The following FANCD2 variants were observed in gnomAD, a reference collection of about 807,000 sequenced individuals.
FANCD2 encodes Fanconi anemia group D2 protein.
A neutral mutation model predicts 192.3 loss-of-function variants in FANCD2; 131 were observed. The observed-to-expected ratio is 0.68, with a 90% CI of 0.59 to 0.79. The LOEUF (loss-of-function observed/expected upper bound fraction) is 0.79, where lower values mean the gene tolerates loss of function less well. Ranked by LOEUF, FANCD2 falls within the 30% of genes least tolerant of loss-of-function variation. FANCD2 has a pLI of 0.00. For missense variants in FANCD2, 1,508 were observed against 1,701.6 expected, an observed-to-expected ratio of 0.89 and a Z score of 2.00; for synonymous variants, 524 against 612.5, an observed-to-expected ratio of 0.86 and a Z score of 2.13.
chr3:10,067,015 A>G (rs1003216950), intron 25 of FANCD2, among the ~76,000 whole-genome samples, 194 bp from the exon 26 acceptor site: 1 of 152,020 alleles, frequency 6.6e-6, no homozygotes, highest in African/African-American at 2.4e-5. Context: ...ATGAGCCACC[A>G]CGCCTGGCTG....
intron 9 of FANCD2, 45 bp downstream of exon 9, chr3:10,039,890 G>A: frequency 6.2e-7 from 1 of 1,612,704 alleles, no homozygotes; most frequent in East Asian, 2.2e-5. Flanking sequence ...TCAGCTATGG[G>A]GGTTCTATCA....
rs148918400 is a variant in FANCD2, at chr3:10,066,794, G to A, written c.2386-415G>A. 9.2e-3 allele frequency among the ~76,000 whole-genome samples: 1,401 copies of A among 152,108 alleles called. 14 individuals are homozygous for A. Among genetic ancestry groups the A allele is most frequent in the Non-Finnish European group, 0.016 (1,110 of 67,996 alleles). The stretch of plus-strand genomic sequence containing the variant: ...GGCTGGAGTGCGGTGGCTCAATCTC[G>A]GCTCACTGCAACCTCCGCCTCCCAG... On this transcript the variant is annotated intron_variant, in intron 25 of 43. Coordinates refer to ENST00000675286, the MANE Select transcript of FANCD2 (RefSeq NM_001018115.3).
intron 9 of FANCD2, chr3:10,041,214 CAA>C (rs780654495): frequency 4.2e-5 from 9 of 213,450 alleles, no homozygotes; most frequent in South Asian, 6.5e-5. Context: ...AACAAACAAA[CAA>C]AAAAAAAAGC....
intron 25 of FANCD2, 42 bp from the exon 26 acceptor site, chr3:10,067,167 C>T (rs1405850279): frequency 2.4e-6 from 3 of 1,251,616 alleles, no homozygotes; most frequent in South Asian, 2.5e-5. Flanking sequence ...AGGTTAAAAT[C>T]TGAACATTTG....
chr3:10,048,111 T>C (rs2087082120), intron 16 of FANCD2, 60 bp downstream of exon 16: 2 of 1,609,440 alleles, frequency 1.2e-6, no homozygotes, highest in African/African-American at 2.7e-5. Flanking sequence ...TAATCTGATG[T>C]TTATTTCTTG....
At chr3:10,040,662 T>TA in intron 9 of FANCD2, 1 of 416,426 alleles carries the variant, frequency 2.4e-6, no homozygotes, top group Non-Finnish European at 4.7e-6. Context: ...TATCCCTAGG[T>TA]AATAAAGTTT....
chr3:10,088,584 T>A (rs369777245), intron 35 of FANCD2, 42 bp downstream of exon 35: 38 of 1,361,124 alleles, frequency 2.8e-5, no homozygotes, highest in Non-Finnish European at 3.9e-5. Context: ...ATAGCTTTTT[T>A]CTATTTTGCT....
intron 9 of FANCD2, chr3:10,040,297 G>C (rs906614988): frequency 5.9e-6 from 2 of 341,340 alleles, no homozygotes; most frequent in African/African-American, 4.3e-5. Flanking sequence ...CGGCCTCCCA[G>C]AGTGCTGGGA....
intron 43 of FANCD2, among the ~76,000 whole-genome samples, chr3:10,100,880 G>A (rs1263418768): frequency 6.6e-6 from 1 of 151,966 alleles, no homozygotes; most frequent in African/African-American, 2.4e-5. Context: ...GACCAGCCTT[G>A]CCAATGTGGA....
rs113172818 is a variant in FANCD2 at position 10,045,229 on chromosome 3, C to T, written c.1135-1351C>T. On this transcript the variant is annotated intron_variant, in intron 14 of 43. Transcript: ENST00000675286. Reference sequence around the variant, plus strand: ...TGTCACCTAGGCTGGACTGCACTGGCGTGATCTCGGCTCACTGCAAGCTCC... The same window carrying T: ...TGTCACCTAGGCTGGACTGCACTGGTGTGATCTCGGCTCACTGCAAGCTCC... 9.3e-3 allele frequency among the ~76,000 whole-genome samples: 1,417 copies of T among 152,144 alleles called. 32 individuals carry two copies. Among genetic ancestry groups the T allele is most frequent in the African/African-American group, 0.032 (1,333 of 41,496 alleles).
At chr3:10,098,664 A>G (rs1409629083) in intron 42 of FANCD2, 56 bp from the exon 43 acceptor site, 25 of 1,597,118 alleles carry the variant, frequency 1.6e-5, no homozygotes, top group South Asian at 4.5e-5. Flanking sequence ...CTTCTCCCCT[A>G]TTACCCTAAA....
Position 10,085,861 on chromosome 3 carries a change from C to T in FANCD2, c.3274C>T (p.His1092Tyr). 1 of 1,613,818 alleles carries T rather than the reference C, an allele frequency of 6.2e-7. No individual in the cohort carries two copies. Among genetic ancestry groups the T allele is most frequent in the East Asian group, 2.2e-5 (1 of 44,864 alleles). The part of the protein sequence containing the change: ...ENQNLLYSAL[H>Y]VLSSRLKQGE... ...TCAGAATTTACTGTATTCAGCCCTC[C>T]ATGTCCTTAGTAGCCGACTGAAACA... The change falls in exon 33 of 44, where the codon CAT becomes TAT. Residue 1092 changes from histidine to tyrosine, a missense_variant. By Grantham distance (83) the His-to-Tyr change is moderately conservative. Coordinates refer to ENST00000675286, the MANE Select transcript of FANCD2 (RefSeq NM_001018115.3).
rs574416410 is a variant in FANCD2 at position 10,086,865 on chromosome 3, G to T, written c.3336-269G>T. Among the ~76,000 whole-genome samples the T allele has an allele frequency of 3.3e-5, 5 of 152,254 alleles. 1 individual carries two copies. Among genetic ancestry groups the T allele is most frequent in the Admixed American group, 3.3e-4 (5 of 15,278 alleles). ...TTTATCTAGGGTTGTACATATTAGC[G>T]TGGTGCTTGGGTTTCTCAGCATACA... On this transcript the variant is annotated intron_variant, in intron 33 of 43. Coordinates refer to ENST00000675286, the MANE Select transcript of FANCD2 (RefSeq NM_001018115.3).
In FANCD2 at chr3:10,067,165, A is replaced by T. The variant is rs1052770476; in HGVS notation, c.2386-44A>T. The T allele has an allele frequency of 7.2e-6, 9 of 1,244,128 alleles. No individual in the cohort carries two copies. In the African/African-American group the frequency reaches 1.3e-4, roughly 19 times the overall value. The allele number at this position is 1,244,128 out of a possible 1,614,324, so 77.1% of individuals were successfully genotyped here. ...GATAAATAATATAAACAAGGTTAAA[A>T]TCTGAACATTTGGAAGTATGAGAAT... On this transcript the variant is annotated intron_variant, in intron 25 of 43. Coordinates refer to ENST00000675286, the MANE Select transcript of FANCD2 (RefSeq NM_001018115.3).
intron 24 of FANCD2, 79 bp from the exon 25 acceptor site, chr3:10,065,785 G>A (rs1403680691): frequency 1.0e-5 from 9 of 883,432 alleles, no homozygotes; most frequent in Admixed American, 1.8e-5. Flanking sequence ...TAAATAGCAA[G>A]GACAGCTAGC....
At chr3:10,059,122 T>G (rs1468217807) in intron 18 of FANCD2, among the ~76,000 whole-genome samples, 4 of 152,250 alleles carry the variant, frequency 2.6e-5, no homozygotes, top group East Asian at 3.9e-4. Context: ...CAGGTGATCC[T>G]CCCACCCCAG....
intron 33 of FANCD2, 142 bp from the exon 34 acceptor site, chr3:10,086,992 C>A: frequency 2.2e-6 from 2 of 899,752 alleles, no homozygotes; most frequent in Non-Finnish European, 1.8e-6. Context: ...AAGAGGGTTG[C>A]TACTAAAGCA....
At position 10,073,213 on chromosome 3, in the gene FANCD2, A is replaced by T. The variant is rs36075953; in HGVS notation, c.2606-40A>T. On this transcript the variant is annotated intron_variant, in intron 27 of 43. Coordinates refer to ENST00000675286, the MANE Select transcript of FANCD2 (RefSeq NM_001018115.3). ...GCAATGATATTTGGCAAACATGATT[A>T]TTAATTACTTGAGTCACTTTTCTCT... 12,405 of 1,514,258 alleles carry T rather than the reference A, an allele frequency of 8.2e-3. 56 individuals carry two copies. The highest frequency in any genetic ancestry group is 9.8e-3 in the Non-Finnish European group (10,692 of 1,090,042). The allele number at this position is 1,514,258 out of a possible 1,614,324, so 93.8% of individuals were successfully genotyped here.
chr3:10,087,249 A>C lies in FANCD2; in HGVS notation c.3451A>C (p.Asn1151His). 1 of 1,612,850 alleles carries C rather than the reference A, an allele frequency of 6.2e-7. No individual in the cohort carries two copies. The highest frequency in any genetic ancestry group is 1.3e-5 in the African/African-American group (1 of 74,742). The change falls in exon 34 of 44, where the codon AAC (asparagine) becomes CAC (histidine). Residue 1151 changes from asparagine (N) to histidine (H), a missense_variant. Physicochemically the swap from Asn to His is moderately conservative, Grantham distance 68 (BLOSUM62 1). Around this residue, in one of 5 missense-constraint regions of FANCD2, gnomAD observed 796 missense variants for 879.4 expected, o/e 0.91. Transcript: ENST00000675286. ...ILEKSTASAQ[N>H]KEKIASLARQ... ...GGAGAAATCAACAGCTTCTGCTCAG[A>C]ACAAAGAAAAAATTGGTGATGGGCC... is the stretch of plus-strand genomic sequence containing the variant.
Sources: allele counts gnomAD v4.1 joint callset (sites outside exome capture counted in the v4.1 genomes callset), GRCh38; gene constraint gnomAD v4.1.1; regional missense constraint gnomAD v4.1.1; transcripts MANE v1.5; gene names NCBI Gene and HGNC (gene_info 2026-07-23, HGNC 2026-07-21).